Variants in ZNF112 observed in about 807,000 individuals in gnomAD.
The protein encoded by ZNF112 is zinc finger protein 112 (Y14).
ZNF112 carries 37 observed loss-of-function variants against 77.7 expected under a neutral mutation model. That is an observed-to-expected ratio of 0.48 (90% CI 0.37 to 0.63). ZNF112 has a LOEUF of 0.63. Among genes scored for constraint, ZNF112 ranks in the 20% least tolerant of loss-of-function variants. ZNF112 has a pLI of 0.00. For missense variants in ZNF112, 950 were observed against 1,077.4 expected (o/e 0.88, Z 1.66); for synonymous variants, 333 against 363.6 (o/e 0.92, Z 0.96).
intron 1 of ZNF112, chr19:44,367,076 C>A: frequency 2.2e-6 from 1 of 456,018 alleles, no homozygotes. Flanking sequence ...CAAAGGCTCA[C>A]TCACCTGGGG....
chr19:44,360,410 CATTTATCATAAGAAA>C (rs1970844721), upstream of ZNF112, among the ~76,000 whole-genome samples: 2 of 151,944 alleles, frequency 1.3e-5, no homozygotes, highest in African/African-American at 4.8e-5. Flanking sequence ...ATTAATCACC[CATTTATCATAAGAAA>C]ATTTAGGCAA....
At chr19:44,359,823 A>C (rs1490098106), upstream of ZNF112, among the ~76,000 whole-genome samples, 1 of 152,198 alleles carries the variant, frequency 6.6e-6, no homozygotes, top group Non-Finnish European at 1.5e-5. Context: ...AGTGAATTCT[A>C]CCAAATATTT....
intron 3 of ZNF112, among the ~76,000 whole-genome samples, chr19:44,330,800 T>A (rs796809728): frequency 3.3e-5 from 5 of 152,316 alleles, no homozygotes; most frequent in African/African-American, 1.2e-4. Flanking sequence ...TTCCAGGAGA[T>A]CTGAAGGGGA....
In ZNF112 at chr19:44,327,607, T is replaced by C. The variant is rs779939599; in HGVS notation, c.2550A>G (p.Thr850=). The C allele has an allele frequency of 1.2e-6, 2 of 1,614,064 alleles. No individual in the cohort carries two copies. The highest frequency in any genetic ancestry group is 2.2e-5 in the East Asian group (1 of 44,876). ...SNLQAHQRVH[T]GEKPYKCDAC... is the part of the protein sequence containing the mutation. ...CATCACATTTGTATGGTTTCTCTCCTGTGTGGACTCTCTGGTGAGCCTGAA... is the reference window on the plus strand; with the variant it reads ...CATCACATTTGTATGGTTTCTCTCCCGTGTGGACTCTCTGGTGAGCCTGAA... Residue 850 remains threonine, a synonymous_variant, in exon 4 of 4, where the codon ACA becomes ACG. Coordinates refer to ENST00000354340, the MANE Select transcript of ZNF112 (RefSeq NM_013380.4).
At chr19:44,343,202 T>C in intron 1 of ZNF112, 1 of 1,603,558 alleles carries the variant, frequency 6.2e-7, no homozygotes, top group Non-Finnish European at 8.5e-7. Context: ...ATATGTCCAC[T>C]CACTGCAAAA....
At chr19:44,352,153 T>C (rs1970705016) in intron 1 of ZNF112, among the ~76,000 whole-genome samples, 1 of 152,068 alleles carries the variant, frequency 6.6e-6, no homozygotes, top group Non-Finnish European at 1.5e-5. Flanking sequence ...TGAATCTTGA[T>C]TGTGGTGGTG....
intron 1 of ZNF112, among the ~76,000 whole-genome samples, chr19:44,351,405 C>T (rs1970689328): frequency 1.3e-5 from 2 of 152,084 alleles, no homozygotes; most frequent in African/African-American, 4.8e-5. Context: ...CAATTAAAAT[C>T]ATTTGCTTAT....
At chr19:44,351,315 T>C (rs1464139332) in intron 1 of ZNF112, among the ~76,000 whole-genome samples, 1 of 152,142 alleles carries the variant, frequency 6.6e-6, no homozygotes, top group African/African-American at 2.4e-5. Flanking sequence ...GTAACATTCA[T>C]AAGCTCTGGG....
chr19:44,345,302 G>A (rs1027060878), intron 1 of ZNF112, among the ~76,000 whole-genome samples: 2 of 152,186 alleles, frequency 1.3e-5, no homozygotes, highest in Non-Finnish European at 2.9e-5. Flanking sequence ...CAAGAAAATT[G>A]TCAGAGAACA....
At chr19:44,338,201 T>A (rs1970424288) in intron 2 of ZNF112, among the ~76,000 whole-genome samples, 1 of 152,114 alleles carries the variant, frequency 6.6e-6, no homozygotes, top group Non-Finnish European at 1.5e-5. Flanking sequence ...CACAAATCCC[T>A]ACAAATAACA....
At chr19:44,330,274 A>G (rs936358564) in intron 3 of ZNF112, among the ~76,000 whole-genome samples, 1 of 152,210 alleles carries the variant, frequency 6.6e-6, no homozygotes, top group Non-Finnish European at 1.5e-5. Context: ...AAATCTGAAA[A>G]TATTTGAAAT....
upstream of ZNF112, among the ~76,000 whole-genome samples, chr19:44,359,310 G>A (rs927524622): frequency 8.1e-6 from 1 of 122,754 alleles, no homozygotes; most frequent in Non-Finnish European, 1.6e-5. Context: ...TCATATATTA[G>A]AGTTCTTTTT....
At chr19:44,344,811 A>G (rs1225341793) in intron 1 of ZNF112, among the ~76,000 whole-genome samples, 2 of 152,184 alleles carry the variant, frequency 1.3e-5, no homozygotes, top group Non-Finnish European at 2.9e-5. Context: ...TCATCAGACT[A>G]TTGAAACAGA....
chr19:44,345,099 G>C (rs2123188760), intron 1 of ZNF112, among the ~76,000 whole-genome samples: 1 of 152,208 alleles, frequency 6.6e-6, no homozygotes, highest in African/African-American at 2.4e-5. Flanking sequence ...TATCAATGGG[G>C]AGCTTTAAAA....
At position 44,329,424 on chromosome 19, in the gene ZNF112, T is replaced by C. The variant is rs774543229; in HGVS notation, c.733A>G (p.Ile245Val). 6.8e-6 allele frequency: 11 copies of C among 1,613,988 alleles called. No homozygotes were observed. The highest frequency in any genetic ancestry group is 2.7e-5 in the African/African-American group (2 of 74,928). ...MKVSLLNQES[I>V]QTEEKPYPCT... ...GGATAGGGCTTCTCCTCTGTTTGAA[T>C]TGACTCCTGATTAAGTAATGATACC... The change falls in exon 4 of 4, where the codon ATT becomes GTT. Residue 245 changes from isoleucine to valine, a missense_variant. Physicochemically the swap from Ile to Val is conservative, Grantham distance 29 (BLOSUM62 3). Transcript: ENST00000354340.
chr19:44,341,360 C>T (rs750115322), intron 1 of ZNF112, among the ~76,000 whole-genome samples: 1 of 152,146 alleles, frequency 6.6e-6, no homozygotes, highest in Non-Finnish European at 1.5e-5. Context: ...TTTGCATTGA[C>T]GTTAACCTCT....
At chr19:44,353,740 G>C (rs748451048) in intron 1 of ZNF112, among the ~76,000 whole-genome samples, 4 of 152,036 alleles carry the variant, frequency 2.6e-5, no homozygotes, top group Non-Finnish European at 4.4e-5. Flanking sequence ...AAAATACTAA[G>C]TGCTGATGAA....
chr19:44,327,284 C>A lies in ZNF112; in HGVS notation c.*149G>T, dbSNP rs1468396803. The A allele has an allele frequency of 6.5e-6, 4 of 618,296 alleles. No homozygotes were observed. The highest frequency in any genetic ancestry group is 1.1e-5 in the Non-Finnish European group (4 of 365,778). 38.3% of individuals were successfully genotyped at this position (618,296 alleles called of 1,614,324 possible). A position where few individuals can be genotyped will look rare whatever the true frequency, so the allele number is the denominator to read the frequency against. On this transcript the variant is annotated 3_prime_UTR_variant, in exon 4 of 4. Coordinates refer to ENST00000354340, the MANE Select transcript of ZNF112 (RefSeq NM_013380.4). ...AGTTCTAACAAAATCCCTCGTGAAA[C>A]CCCTCTCATTAAATGTCTCTGTTGT...
At chr19:44,361,867 G>A (rs1181087849) in intron 1 of ZNF112, among the ~76,000 whole-genome samples, 1 of 150,650 alleles carries the variant, frequency 6.6e-6, no homozygotes, top group African/African-American at 2.4e-5. Flanking sequence ...GGAGAAACTG[G>A]GCAGGGGAAA....
Sources: allele counts gnomAD v4.1 joint callset (sites outside exome capture counted in the v4.1 genomes callset), GRCh38; gene constraint gnomAD v4.1.1; transcripts MANE v1.5; gene names NCBI Gene and HGNC (gene_info 2026-07-23, HGNC 2026-07-21).